Variants in MYOM2 observed in about 807,000 individuals in gnomAD.
MYOM2 encodes myomesin-2.
A neutral mutation model predicts 187.6 loss-of-function variants in MYOM2; 254 were observed. The ratio of observed to expected loss-of-function variants is 1.35; its 90% CI spans 1.22 to 1.50. The LOEUF (loss-of-function observed/expected upper bound fraction) is 1.50, where lower values mean the gene tolerates loss of function less well. MYOM2 is among the 40% of genes most tolerant of loss of function. The probability of loss-of-function intolerance (pLI) is 0.00; values close to 1 mark genes in which losing one functional copy is unlikely to be tolerated. For synonymous variants in MYOM2, 981 were observed against 753.8 expected, an observed-to-expected ratio of 1.30 and a Z score of -4.94; for missense variants, 2,796 against 1,924.0, an observed-to-expected ratio of 1.45 and a Z score of -8.48.
chr8:2,086,204 C>CCT (rs1468723142), intron 14 of MYOM2, among the ~76,000 whole-genome samples: 1 of 24,942 alleles, frequency 4.0e-5, no homozygotes, highest in South Asian at 1.7e-3. Context: ...CTCTGCGTGG[C>CCT]CCCACTGTCA....
At chr8:2,086,420 T>A (rs1017335469) in intron 14 of MYOM2, among the ~76,000 whole-genome samples, 19 of 128,930 alleles carry the variant, frequency 1.5e-4, no homozygotes, top group East Asian at 4.2e-4. Context: ...GGCCTCCCAC[T>A]GTTGTGATCT....
Position 2,092,449 on chromosome 8 carries a change from C to G in MYOM2, c.1932C>G (p.Tyr644Ter), listed in dbSNP as rs1408742337. ...AGCATGAGGAGGACCTGCTGGGCTACTACGTGGACTGCTGTGTGGCCGGAA... is the reference window on the plus strand; with the variant it reads ...AGCATGAGGAGGACCTGCTGGGCTAGTACGTGGACTGCTGTGTGGCCGGAA... ...RPKHEEDLLG[Y>*]YVDCCVAGTN... The change falls in exon 16 of 37, where the codon TAC becomes TAG. Residue 644 changes from tyrosine to a stop codon, truncating the protein, a stop_gained. Transcript: ENST00000262113. LOFTEE classifies it high-confidence loss of function. 1.2e-6 allele frequency: 2 copies of G among 1,614,062 alleles called. No individual in the cohort carries two copies. Among genetic ancestry groups the G allele is most frequent in the African/African-American group, 1.3e-5 (1 of 74,938 alleles).
intron 14 of MYOM2, among the ~76,000 whole-genome samples, chr8:2,086,206 CCA>C (rs1554546940): frequency 2.2e-5 from 1 of 45,186 alleles, no homozygotes; most frequent in Non-Finnish European, 5.1e-5. Context: ...CTGCGTGGCC[CCA>C]CTGTCATGAT....
chr8:2,065,230 G>C (rs1156994403), intron 6 of MYOM2, among the ~76,000 whole-genome samples: 1 of 152,130 alleles, frequency 6.6e-6, no homozygotes, highest in Non-Finnish European at 1.5e-5. Flanking sequence ...TCTCATGAAG[G>C]CACCAGTTTG....
chr8:2,085,572 A>C (rs1307072829), intron 14 of MYOM2, among the ~76,000 whole-genome samples, 182 bp downstream of exon 14: 2 of 15,910 alleles, frequency 1.3e-4, no homozygotes, highest in African/African-American at 9.8e-4. Flanking sequence ...GCGTGGCCCC[A>C]CTGTTGTGAT....
chr8:2,078,383 C>T (rs1423719085), intron 11 of MYOM2, among the ~76,000 whole-genome samples: 3 of 152,212 alleles, frequency 2.0e-5, no homozygotes, highest in South Asian at 2.1e-4. Flanking sequence ...GACTATGTCA[C>T]GTAAGTCGGA....
At chr8:2,126,209 T>G (rs1349031425) in intron 31 of MYOM2, among the ~76,000 whole-genome samples, 1 of 152,176 alleles carries the variant, frequency 6.6e-6, no homozygotes, top group Non-Finnish European at 1.5e-5. Context: ...CACATTATGT[T>G]GGGAGTTGGA....
chr8:2,104,780 G>T (rs1192843294), intron 21 of MYOM2, among the ~76,000 whole-genome samples: 1 of 152,062 alleles, frequency 6.6e-6, no homozygotes, highest in Admixed American at 6.5e-5. Context: ...AACGGACCCA[G>T]CATGGGAGGC....
chr8:2,117,840 A>T (rs750170428), intron 27 of MYOM2, 45 bp from the exon 28 acceptor site: 1 of 1,422,342 alleles, frequency 7.0e-7, no homozygotes, highest in Non-Finnish European at 9.8e-7. Context: ...TTATTTGTTT[A>T]CTTTTTCCTT....
In MYOM2 at chr8:2,123,696, A is replaced by G. The variant is rs527670395; in HGVS notation, c.3655+54A>G. On this transcript the variant is annotated intron_variant, in intron 30 of 36. Coordinates refer to ENST00000262113, the MANE Select transcript of MYOM2 (RefSeq NM_003970.4). ...ACAAGAAATTCCTTTCACCAACAGG[A>G]TGGGATGTATTCTGAAGGCAGGTCT... 18 of 1,484,454 alleles carry G rather than the reference A, an allele frequency of 1.2e-5. No individual in the cohort carries two copies. The East Asian group carries it at 3.6e-4, about 30-fold the overall frequency. 92.0% of individuals were successfully genotyped at this position (1,484,454 alleles called of 1,614,324 possible).
At chr8:2,142,767 T>G (rs1292750637) in intron 35 of MYOM2, among the ~76,000 whole-genome samples, 2 of 143,452 alleles carry the variant, frequency 1.4e-5, no homozygotes, top group African/African-American at 5.1e-5. Context: ...TTATTCTTTT[T>G]TTTTTTTTGA....
chr8:2,096,311 C>T lies in MYOM2; in HGVS notation c.2190C>T (p.Gly730=), dbSNP rs753060921. 11 of 1,614,100 alleles carry T rather than the reference C, an allele frequency of 6.8e-6. No homozygotes were observed. In the South Asian group the frequency reaches 1.2e-4, roughly 18 times the overall value. ...GTGACGGCCACTCCATGACCCTCGG[C>T]TGGAAGGTCCCGAAATTCAGTGGTG... ...LNCDGHSMTL[G]WKVPKFSGGS... is the part of the protein sequence containing the mutation. The change falls in exon 18 of 37, where the codon GGC becomes GGT. Residue 730 remains glycine, a synonymous_variant. Coordinates refer to ENST00000262113, the MANE Select transcript of MYOM2 (RefSeq NM_003970.4).
At chr8:2,068,844 G>C (rs1352767068) in intron 6 of MYOM2, among the ~76,000 whole-genome samples, 1 of 152,194 alleles carries the variant, frequency 6.6e-6, no homozygotes, top group African/African-American at 2.4e-5. Context: ...CACGGAGCAG[G>C]TCCACGGCTC....
At chr8:2,067,403 T>C (rs1470433929) in intron 6 of MYOM2, among the ~76,000 whole-genome samples, 4 of 152,170 alleles carry the variant, frequency 2.6e-5, no homozygotes, top group African/African-American at 7.2e-5. Flanking sequence ...AAGAATGCAA[T>C]TTTGGAGTCA....
Position 2,111,737 on chromosome 8 carries a change from G to C in MYOM2, c.3180+2206G>C, listed in dbSNP as rs932593159. Among the ~76,000 whole-genome samples, 6 of 152,286 alleles carry C rather than the reference G, an allele frequency of 3.9e-5. No homozygotes were observed. The South Asian group carries it at 1.2e-3, about 32-fold the overall frequency. The stretch of plus-strand genomic sequence containing the variant: ...GGACAAAGTTGTTGTGCTTCCTGCA[G>C]TTGAGCCATTTCTTAAAATAATCTC... On this transcript the variant is annotated intron_variant, in intron 25 of 36. Transcript: ENST00000262113.
chr8:2,077,077 C>G (rs1001152713), intron 11 of MYOM2, among the ~76,000 whole-genome samples: 2 of 152,084 alleles, frequency 1.3e-5, no homozygotes, highest in African/African-American at 2.4e-5. Flanking sequence ...TTTGGGAGGC[C>G]AACGCGGGCG....
In MYOM2 at chr8:2,098,876, G is replaced by T; in HGVS notation, c.2333G>T (p.Gly778Val). The part of the protein sequence containing the change: ...TILTVDGLTE[G>V]SLYEFKIAAV... ...GAATAGGTGGACGGCTTGACGGAAGGCTCACTCTACGAGTTCAAAATCGCC... is the reference window on the plus strand; with the variant it reads ...GAATAGGTGGACGGCTTGACGGAAGTCTCACTCTACGAGTTCAAAATCGCC... The change falls in exon 19 of 37, where the codon GGC becomes GTC. Residue 778 changes from glycine (G) to valine (V), a missense_variant. By Grantham distance (109) the Gly-to-Val change is moderately radical. Transcript: ENST00000262113. 1.2e-6 allele frequency: 2 copies of T among 1,612,918 alleles called. No individual in the cohort carries two copies. The highest frequency in any genetic ancestry group is 1.1e-5 in the South Asian group (1 of 90,826).
intron 32 of MYOM2, among the ~76,000 whole-genome samples, chr8:2,137,051 T>G (rs1355637304): frequency 6.6e-6 from 1 of 151,878 alleles, no homozygotes. Context: ...ACGGAAGAAT[T>G]TCTAGTCTCT....
At position 2,140,669 on chromosome 8, in the gene MYOM2, G is replaced by C; in HGVS notation, c.3801-54G>C. 4.4e-6 allele frequency: 7 copies of C among 1,584,636 alleles called. No individual in the cohort carries two copies. In the South Asian group the frequency reaches 7.9e-5, roughly 18 times the overall value. On this transcript the variant is annotated intron_variant, in intron 32 of 36. Coordinates refer to ENST00000262113, the MANE Select transcript of MYOM2 (RefSeq NM_003970.4). ...AACGGGACATTGCCCTGTAGACATT[G>C]TGCGTGTGACATGGAGACCCTAACT...
Sources: allele counts gnomAD v4.1 joint callset (sites outside exome capture counted in the v4.1 genomes callset), GRCh38; gene constraint gnomAD v4.1.1; transcripts MANE v1.5; gene names NCBI Gene and HGNC (gene_info 2026-07-23, HGNC 2026-07-21).